Variants in GPR18 observed in about 807,000 individuals in gnomAD.
The protein encoded by GPR18 is G protein-coupled receptor 18.
Under a neutral mutation model 22.8 loss-of-function variants are expected in GPR18, and 20 were observed. The observed-to-expected ratio is 0.88, with a 90% CI of 0.62 to 1.28. The LOEUF is 1.28. Among genes scored for constraint, GPR18 ranks in the 50% most tolerant of loss-of-function variants. The pLI is 0.00. For synonymous variants in GPR18, 160 were observed against 155.3 expected (o/e 1.03, Z -0.22); for missense variants, 379 against 412.0 (o/e 0.92, Z 0.69).
chr13:99,256,754 T>C lies in GPR18; in HGVS notation c.-34-848A>G, dbSNP rs143842731. 2.4e-3 allele frequency among the ~76,000 whole-genome samples: 361 copies of C among 151,778 alleles called. 4 individuals carry two copies. Among genetic ancestry groups the C allele is most frequent in the South Asian group, 0.011 (51 of 4,814 alleles). Reference sequence around the variant, plus strand: ...CATTTTAAATGGAAAGGAGGTTATTTGGGGTTGCAAATATCATTGACTCCT... The same window carrying C: ...CATTTTAAATGGAAAGGAGGTTATTCGGGGTTGCAAATATCATTGACTCCT... On this transcript the variant is annotated intron_variant, in intron 1 of 1. Coordinates refer to ENST00000397470, the MANE Select transcript of GPR18 (RefSeq NM_001098200.2).
chr13:99,256,121 A>G (rs1049573625), intron 1 of GPR18, among the ~76,000 whole-genome samples: 2 of 152,214 alleles, frequency 1.3e-5, no homozygotes, highest in Non-Finnish European at 2.9e-5. Flanking sequence ...CCCACTGTCT[A>G]TTGAGCATGT....
rs1376493048 is a variant in GPR18 at position 99,255,567 on chromosome 13, C to T, written c.306G>A (p.Val102=). ...GCCATAAAGCAATGCTTGGGTAAAA[C>T]ACTGTGAGAGCTCCAAGAATCTGGC... The part of the protein sequence containing the change: ...YFCQILGALT[V]FYPSIALWLL... The change falls in exon 2 of 2, where the codon GTG becomes GTA. Residue 102 remains valine, a synonymous_variant. Coordinates refer to ENST00000397470, the MANE Select transcript of GPR18 (RefSeq NM_001098200.2). The T allele has an allele frequency of 4.3e-6, 7 of 1,614,144 alleles. No individual in the cohort carries two copies. Among genetic ancestry groups the T allele is most frequent in the Non-Finnish European group, 5.9e-6 (7 of 1,179,992 alleles).
chr13:99,254,859 A>T lies in GPR18; in HGVS notation c.*18T>A, dbSNP rs757815333. On this transcript the variant is annotated 3_prime_UTR_variant, in exon 2 of 2. Transcript: ENST00000397470. ...TGAAGTGAATTTTGATGGGATTGAA[A>T]TGAAAGAACCTTATTATTCATAACA... The T allele has an allele frequency of 6.3e-7, 1 of 1,585,150 alleles. No homozygotes were observed. Among genetic ancestry groups the T allele is most frequent in the Admixed American group, 1.7e-5 (1 of 57,536 alleles).
At chr13:99,255,935 T>C in intron 1 of GPR18, 29 bp from the exon 2 acceptor site, 1 of 1,437,044 alleles carries the variant, frequency 7.0e-7, no homozygotes, top group South Asian at 1.5e-5. Flanking sequence ...AAAATAAGAA[T>C]AAAATCGTTG....
chr13:99,255,795 A>G lies in GPR18; in HGVS notation c.78T>C (p.Leu26=). Residue 26 remains leucine, a synonymous_variant, in exon 2 of 2, where the codon CTT becomes CTC. Coordinates refer to ENST00000397470, the MANE Select transcript of GPR18 (RefSeq NM_001098200.2). ...SHPDEYKIAA[L]VFYSCIFIIG... ...TTATGAAGATACAGCTATAGAAGAC[A>G]AGGGCTGCAATTTTGTATTCATCTG... 1 of 1,612,384 alleles carries G rather than the reference A, an allele frequency of 6.2e-7. No homozygotes were observed. Among genetic ancestry groups the G allele is most frequent in the Non-Finnish European group, 8.5e-7 (1 of 1,179,176 alleles).
At chr13:99,257,187 A>G (rs973647493) in intron 1 of GPR18, among the ~76,000 whole-genome samples, 2 of 152,144 alleles carry the variant, frequency 1.3e-5, no homozygotes, top group African/African-American at 4.8e-5. Context: ...ATATTTAAAA[A>G]CATATTAAAT....
At chr13:99,257,487 C>T (rs1282486962) in intron 1 of GPR18, among the ~76,000 whole-genome samples, 2 of 151,962 alleles carry the variant, frequency 1.3e-5, no homozygotes, top group African/African-American at 2.4e-5. Flanking sequence ...TTTTTTCCCA[C>T]GTTATGCTCA....
rs1473166759 is a variant in GPR18 at position 99,255,353 on chromosome 13, T to G, written c.520A>C (p.Lys174Gln). 5 of 1,614,056 alleles carry G rather than the reference T, an allele frequency of 3.1e-6. No homozygotes were observed. Among genetic ancestry groups the G allele is most frequent in the Non-Finnish European group, 4.2e-6 (5 of 1,180,024 alleles). ...DKDSTPATCL[K>Q]ISDIIYLKAV... ...TTTAGATAGATGATGTCAGAAATCT[T>G]GAGGCAGGTGGCGGGAGTGGAGTCT... The change falls in exon 2 of 2, where the codon AAG (lysine) becomes CAG (glutamine). Residue 174 changes from lysine (K) to glutamine (Q), a missense_variant. Physicochemically the swap from Lys to Gln is moderately conservative, Grantham distance 53. Coordinates refer to ENST00000397470, the MANE Select transcript of GPR18 (RefSeq NM_001098200.2).
Position 99,255,158 on chromosome 13 carries a change from CCAGCAGCGTGATGATGATCCTTATGGA to C in GPR18, c.688_714del (p.Ser230_Leu238del). On this transcript the variant is annotated inframe_deletion, in exon 2 of 2. Transcript: ENST00000397470. ...GGCATAAAGCAGACGAGCACCTGCA[CCAGCAGCGTGATGATGATCCTTATGGA>C]CTTCTCCTTGACTTTGGGTTTCAGC... 6.2e-7 allele frequency: 1 copy of C among 1,614,074 alleles called. No homozygotes were observed. The highest frequency in any genetic ancestry group is 1.6e-4 in the Middle Eastern group (1 of 6,062).
At position 99,255,336 on chromosome 13, in the gene GPR18, G is replaced by C; in HGVS notation, c.537C>G (p.Ile179Met). The stretch of plus-strand genomic sequence containing the variant: ...TCAGCACGTTCACAGCTTTTAGATA[G>C]ATGATGTCAGAAATCTTGAGGCAGG... ...PATCLKISDI[I>M]YLKAVNVLNL... The change falls in exon 2 of 2, where the codon ATC becomes ATG. Residue 179 changes from isoleucine (I) to methionine (M), a missense_variant. Transcript: ENST00000397470. The C allele has an allele frequency of 6.2e-7, 1 of 1,614,164 alleles. No homozygotes were observed. The highest frequency in any genetic ancestry group is 1.7e-5 in the Admixed American group (1 of 60,016).
chr13:99,255,262 A>G lies in GPR18; in HGVS notation c.611T>C (p.Ile204Thr). ...ATGAATAATGACCAAGTAGCACCCAATCATGATGAACAAAGGAATCAAGAA... is the reference window on the plus strand; with the variant it reads ...ATGAATAATGACCAAGTAGCACCCAGTCATGATGAACAAAGGAATCAAGAA... ...FFFLIPLFIMIGCYLVIIHNL... is the reference protein window; with the variant it reads ...FFFLIPLFIMTGCYLVIIHNL... The change falls in exon 2 of 2, where the codon ATT becomes ACT. Residue 204 changes from isoleucine (I) to threonine (T), a missense_variant. Physicochemically the swap from Ile to Thr is moderately conservative, Grantham distance 89. Transcript: ENST00000397470. 1.2e-6 allele frequency: 2 copies of G among 1,614,096 alleles called. No individual in the cohort carries two copies. The highest frequency in any genetic ancestry group is 1.7e-6 in the Non-Finnish European group (2 of 1,180,026).
chr13:99,257,265 T>A (rs1257281035), intron 1 of GPR18, among the ~76,000 whole-genome samples: 1 of 152,218 alleles, frequency 6.6e-6, no homozygotes, highest in Non-Finnish European at 1.5e-5. Context: ...AGAGAAAAAT[T>A]ATATCTCTAG....
intron 1 of GPR18, 69 bp from the exon 2 acceptor site, chr13:99,255,975 A>C: frequency 1.9e-6 from 2 of 1,059,534 alleles, no homozygotes; most frequent in South Asian, 3.5e-5. Context: ...ACATTCTCCC[A>C]CTCAGCTTGA....
chr13:99,255,691 A>G lies in GPR18; in HGVS notation c.182T>C (p.Met61Thr). The change falls in exon 2 of 2, where the codon ATG (methionine) becomes ACG (threonine). Residue 61 changes from methionine to threonine, a missense_variant. Physicochemically the swap from Met to Thr is moderately conservative, Grantham distance 81. Coordinates refer to ENST00000397470, the MANE Select transcript of GPR18 (RefSeq NM_001098200.2). ...TKKRTTVTIY[M>T]MNVALVDLIF... ...CAAGTCCACTAATGCCACATTCATC[A>G]TATAGATGGTTACCGTGGTTCTCTT... is the stretch of plus-strand genomic sequence containing the variant. The G allele has an allele frequency of 6.2e-7, 1 of 1,614,098 alleles. No individual in the cohort carries two copies. The highest frequency in any genetic ancestry group is 8.5e-7 in the Non-Finnish European group (1 of 1,179,940).
Position 99,254,891 on chromosome 13 carries a change from T to C in GPR18, c.982A>G (p.Ser328Gly). ...GSLRSLSNIN[S>G]EML is the part of the protein sequence containing the mutation. ...AACCTTATTATTCATAACATTTCAC[T>C]GTTTATATTGCTTAGTGACCGTAGA... is the stretch of plus-strand genomic sequence containing the variant. The change falls in exon 2 of 2, where the codon AGT becomes GGT. Residue 328 changes from serine (S) to glycine (G), a missense_variant. Transcript: ENST00000397470. The C allele has an allele frequency of 6.2e-7, 1 of 1,611,342 alleles. No individual in the cohort carries two copies. Among genetic ancestry groups the C allele is most frequent in the Non-Finnish European group, 8.5e-7 (1 of 1,178,570 alleles).
At chr13:99,256,838 T>C (rs1419304905) in intron 1 of GPR18, among the ~76,000 whole-genome samples, 6 of 152,092 alleles carry the variant, frequency 3.9e-5, no homozygotes, top group Non-Finnish European at 7.4e-5. Context: ...AAAAATAGAC[T>C]TTGCTGCAAT....
chr13:99,257,332 A>G (rs1478464870), intron 1 of GPR18, among the ~76,000 whole-genome samples: 6 of 152,198 alleles, frequency 3.9e-5, no homozygotes, highest in Non-Finnish European at 8.8e-5. Flanking sequence ...ACTGGAATGC[A>G]TTCTTATTAA....
intron 1 of GPR18, among the ~76,000 whole-genome samples, chr13:99,257,063 C>G (rs565135146): frequency 6.6e-6 from 1 of 152,158 alleles, no homozygotes; most frequent in African/African-American, 2.4e-5. Context: ...ACACAAGAAA[C>G]GTGCCTGTCT....
chr13:99,255,735 A>G lies in GPR18; in HGVS notation c.138T>C (p.Val46=), dbSNP rs757618760. The change falls in exon 2 of 2, where the codon GTT becomes GTC. Residue 46 remains valine (V), a synonymous_variant. Transcript: ENST00000397470. ...TTCTCTTCTTGGTGGTACAACTGAA[A>G]ACCCATAATGCAGTGATGTTAACAA... ...GLFVNITALW[V]FSCTTKKRTT... 1.2e-6 allele frequency: 2 copies of G among 1,614,110 alleles called. No individual in the cohort carries two copies. Among genetic ancestry groups the G allele is most frequent in the Non-Finnish European group, 1.7e-6 (2 of 1,179,996 alleles).
Sources: gnomAD v4.1 joint callset for allele counts (sites outside exome capture counted in the v4.1 genomes callset) on GRCh38, gnomAD v4.1.1 for gene constraint, MANE v1.5 for transcripts, NCBI Gene and HGNC (gene_info 2026-07-23, HGNC 2026-07-21) for gene names.